Variants in BTK observed in about 807,000 individuals in gnomAD.
BTK encodes the protein tyrosine-protein kinase BTK.
BTK carries 5 observed loss-of-function variants against 57.4 expected under a neutral mutation model. The ratio of observed to expected loss-of-function variants is 0.09; its 90% CI spans 0.05 to 0.18. BTK has a LOEUF of 0.18. Among genes scored for constraint, BTK ranks in the 10% least tolerant of loss-of-function variants. The pLI is 1.00. For synonymous variants in BTK, 154 were observed against 174.3 expected (o/e 0.88, Z 0.92); for missense variants, 194 against 501.2 (o/e 0.39, Z 5.85).
chrX:101,354,329 A>G (rs1305515347), intron 16 of BTK: 2 of 410,096 alleles, frequency 4.9e-6, no homozygotes, highest in African/African-American at 5.0e-5. Flanking sequence ...ATTAAGAAAG[A>G]AGGAGGAATG....
At chrX:101,366,380 T>A (rs1555979429) in intron 5 of BTK, among the ~76,000 whole-genome samples, 1 of 111,919 alleles carries the variant, frequency 8.9e-6, no homozygotes, top group Non-Finnish European at 1.9e-5. Context: ...CCATTTAACC[T>A]CCTTGAGATC....
Position 101,381,186 on chromosome X carries a change from A to C in BTK, c.-31+4876T>G, listed in dbSNP as rs1471104184. 2.7e-5 allele frequency among the ~76,000 whole-genome samples: 3 copies of C among 110,644 alleles called. No individual in the cohort carries two copies. The East Asian group carries it at 8.3e-4, about 31-fold the overall frequency. On this transcript the variant is annotated intron_variant, in intron 1 of 18. Transcript: ENST00000308731. ...ATATTCTATATGATGAATACATTCCAATATATTTATTCATTCTCCTGTTGA... is the reference window on the plus strand; with the variant it reads ...ATATTCTATATGATGAATACATTCCCATATATTTATTCATTCTCCTGTTGA...
chrX:101,362,855 CCTGA>C, intron 5 of BTK, 166 bp from the exon 6 acceptor site: 1 of 642,519 alleles, frequency 1.6e-6, no homozygotes, highest in Non-Finnish European at 2.5e-6. Context: ...GACTGGCCTG[CCTGA>C]CTGTGCCCTG....
chrX:101,381,007 G>GAAA (rs782713123), intron 1 of BTK, among the ~76,000 whole-genome samples: 14 of 24,680 alleles, frequency 5.7e-4, no homozygotes, highest in East Asian at 1.4e-3. Context: ...ACTCGGTCGC[G>GAAA]AAAAAAAAAA....
intron 16 of BTK, 199 bp from the exon 17 acceptor site, chrX:101,354,187 A>G: frequency 4.5e-6 from 2 of 443,267 alleles, no homozygotes; most frequent in East Asian, 3.7e-5. Flanking sequence ...CTGATTGACA[A>G]TATGGTTACA....
intron 1 of BTK, among the ~76,000 whole-genome samples, chrX:101,383,440 C>A (rs1301199315): frequency 2.7e-5 from 3 of 111,748 alleles, no homozygotes; most frequent in Non-Finnish European, 5.6e-5. Context: ...AATTTCAGTT[C>A]CAAATAGTTT....
chrX:101,366,284 AAAAT>A (rs1250667203), intron 5 of BTK, among the ~76,000 whole-genome samples: 1 of 111,649 alleles, frequency 9.0e-6, no homozygotes, highest in Non-Finnish European at 1.9e-5. Flanking sequence ...AAAATAAAAA[AAAAT>A]AAATAAATAA....
At position 101,360,716 on chromosome X, in the gene BTK, GTGC is replaced by G. The variant is rs2147433099; in HGVS notation, c.625_627del (p.Ala209del). 5 of 1,211,740 alleles carry G rather than the reference GTGC, an allele frequency of 4.1e-6. No individual in the cohort carries two copies. Among genetic ancestry groups the G allele is most frequent in the Non-Finnish European group, 5.6e-6 (5 of 895,508 alleles). Reference sequence around the variant, plus strand: ...TTTTTCAGCTCACTTGTGGAGACTGGTGCTGCTGCTGGCTCAGGCGGTAGTGGC... The same window carrying G: ...TTTTTCAGCTCACTTGTGGAGACTGGTGCTGCTGGCTCAGGCGGTAGTGGC... On this transcript the variant is annotated inframe_deletion, in exon 8 of 19. Transcript: ENST00000308731.
At position 101,357,634 on chromosome X, in the gene BTK, G is replaced by T. The variant is rs782811917; in HGVS notation, c.1103-51C>A. ...GTTGGTGTGGTGTAGGAGGTGGGAT[G>T]CCTCACACATCCTCACTTAAAGCCT... is the stretch of plus-strand genomic sequence containing the variant. On this transcript the variant is annotated intron_variant, in intron 12 of 18. Transcript: ENST00000308731. 49 of 995,041 alleles carry T rather than the reference G, an allele frequency of 4.9e-5. No homozygotes were observed. In the South Asian group the frequency reaches 9.4e-4, roughly 19 times the overall value. The allele number at this position is 995,041 out of a possible 1,213,427, so 82.0% of individuals were successfully genotyped here.
intron 3 of BTK, among the ~76,000 whole-genome samples, chrX:101,374,065 A>T (rs1927128306): frequency 9.0e-6 from 1 of 111,730 alleles, no homozygotes; most frequent in Non-Finnish European, 1.9e-5. Flanking sequence ...AAAAAAAGAA[A>T]AAAAGAAAAT....
rs201142168 is a variant in BTK at position 101,376,732 on chromosome X, T to TG, written c.-30-1419dup. On this transcript the variant is annotated intron_variant, in intron 1 of 18. Transcript: ENST00000308731. Reference sequence around the variant, plus strand: ...TTAGTGGTAGGGATTTTTCCTCTGGTGGGGGGGTGGGGGTGGGAATGTGTC... The same window carrying TG: ...TTAGTGGTAGGGATTTTTCCTCTGGTGGGGGGGGTGGGGGTGGGAATGTGTC... Among the ~76,000 whole-genome samples the TG allele has an allele frequency of 4.0e-5, 4 of 99,252 alleles. No homozygotes were observed. In the East Asian group the frequency reaches 1.2e-3, roughly 29 times the overall value. The allele number at this position is 99,252 out of a possible 115,157, so 86.2% of individuals were successfully genotyped here. A position where few individuals can be genotyped will look rare whatever the true frequency, so the allele number is the denominator to read the frequency against.
At chrX:101,350,840 CA>C (rs1409787858) in intron 18 of BTK, among the ~76,000 whole-genome samples, 5 of 111,895 alleles carry the variant, frequency 4.5e-5, no homozygotes, top group African/African-American at 1.3e-4. Context: ...AGAATGCTCT[CA>C]ATCTGTTAGA....
upstream of BTK, chrX:101,390,742 C>G: frequency 1.1e-5 from 5 of 457,315 alleles, no homozygotes; most frequent in East Asian, 3.7e-5. Context: ...AACACTGCTC[C>G]CTTCACTGAA....
At chrX:101,357,294 G>A (rs923780215) in intron 13 of BTK, among the ~76,000 whole-genome samples, 1 of 111,643 alleles carries the variant, frequency 9.0e-6, no homozygotes, top group East Asian at 2.8e-4. Flanking sequence ...CCAAGACAAC[G>A]ACAAAGCCCT....
intron 4 of BTK, 71 bp from the exon 5 acceptor site, chrX:101,370,150 A>C: frequency 1.2e-6 from 1 of 807,309 alleles, no homozygotes; most frequent in African/African-American, 2.0e-5. Context: ...GAAAGTACTA[A>C]TCTTAGGGGA....
chrX:101,352,411 C>T (rs1333987794), intron 18 of BTK, among the ~76,000 whole-genome samples: 2 of 111,570 alleles, frequency 1.8e-5, no homozygotes, highest in African/African-American at 3.3e-5. Context: ...TAGTGAGAAT[C>T]GGAGTGGGCC....
At chrX:101,367,637 A>AAAATAAATAAAT (rs60295371) in intron 5 of BTK, among the ~76,000 whole-genome samples, 1 of 102,207 alleles carries the variant, frequency 9.8e-6, no homozygotes, top group Non-Finnish European at 2.0e-5. Context: ...ACTCCATCTC[A>AAAATAAATAAAT]AAATAAATAA....
intron 5 of BTK, among the ~76,000 whole-genome samples, chrX:101,366,981 C>T (rs185587907): frequency 1.8e-5 from 2 of 112,409 alleles, no homozygotes; most frequent in Non-Finnish European, 3.8e-5. Flanking sequence ...TAGTGGCTTA[C>T]GCCTGTAATC....
At chrX:101,361,882 G>A (rs782345024) in intron 7 of BTK, among the ~76,000 whole-genome samples, 2 of 112,463 alleles carry the variant, frequency 1.8e-5, no homozygotes, top group Non-Finnish European at 3.8e-5. Flanking sequence ...GCGACAGAGC[G>A]AGACTCCGTC....
Sources: allele counts gnomAD v4.1 joint callset (sites outside exome capture counted in the v4.1 genomes callset), GRCh38; gene constraint gnomAD v4.1.1; transcripts MANE v1.5; gene names NCBI Gene and HGNC (gene_info 2026-07-23, HGNC 2026-07-21).